Variants in ECM2 observed in about 807,000 individuals in gnomAD.
ECM2 encodes extracellular matrix protein 2, female organ and adipocyte specific.
ECM2 carries 57 observed loss-of-function variants against 67.5 expected under a neutral mutation model. The observed-to-expected ratio is 0.84, with a 90% CI of 0.68 to 1.05. ECM2 has a LOEUF of 1.05. ECM2 is among the 50% of genes least tolerant of loss of function. The pLI is 0.00. For synonymous variants in ECM2, 258 were observed against 294.5 expected (o/e 0.88, Z 1.27); for missense variants, 741 against 822.8 (o/e 0.90, Z 1.22).
chr9:92,545,470 C>T, the ECM2 span, among the ~76,000 whole-genome samples: 2 of 152,200 alleles, frequency 1.3e-5, no homozygotes, highest in African/African-American at 4.8e-5. Context: ...CTCGTCGGGC[C>T]TTAGCTGCCT....
chr9:92,495,476 A>G lies in ECM2; in HGVS notation c.*839T>C. 1 of 984,592 alleles carries G rather than the reference A, an allele frequency of 1.0e-6. No homozygotes were observed. Among genetic ancestry groups the G allele is most frequent in the Non-Finnish European group, 1.2e-6 (1 of 829,154 alleles). 61.0% of individuals were successfully genotyped at this position (984,592 alleles called of 1,614,324 possible). A position where few individuals can be genotyped will look rare whatever the true frequency, so the allele number is the denominator to read the frequency against. On this transcript the variant is annotated 3_prime_UTR_variant, in exon 10 of 10. Coordinates refer to ENST00000344604, the MANE Select transcript of ECM2 (RefSeq NM_001393.4). ...TGCAAAATTTTTCAAAAATTTATAC[A>G]TTAGATTTACCTTTACAAGGTTATA...
At position 92,495,840 on chromosome 9, in the gene ECM2, T is replaced by G; in HGVS notation, c.*475A>C. The G allele has an allele frequency of 1.0e-6, 1 of 970,350 alleles. No homozygotes were observed. The highest frequency in any genetic ancestry group is 1.2e-6 in the Non-Finnish European group (1 of 816,200). The allele number at this position is 970,350 out of a possible 1,614,324, so 60.1% of individuals were successfully genotyped here. A position where few individuals can be genotyped will look rare whatever the true frequency, so the allele number is the denominator to read the frequency against. On this transcript the variant is annotated 3_prime_UTR_variant, in exon 10 of 10. Coordinates refer to ENST00000344604, the MANE Select transcript of ECM2 (RefSeq NM_001393.4). The stretch of plus-strand genomic sequence containing the variant: ...ATACCAGTAATTATAGCACAGGACC[T>G]TATAAGAAATTAACAAATTATTGTT...
At chr9:92,510,148 C>G (rs1847248961) in intron 5 of ECM2, 114 bp from the exon 6 acceptor site, 15 of 1,189,910 alleles carry the variant, frequency 1.3e-5, no homozygotes, top group Non-Finnish European at 1.6e-5. Flanking sequence ...TAGGCTTAGA[C>G]AGTAATGTCC....
chr9:92,546,397 T>G, the ECM2 span, among the ~76,000 whole-genome samples: 17 of 152,156 alleles, frequency 1.1e-4, no homozygotes, highest in African/African-American at 4.1e-4. Context: ...TGCTGCTCAC[T>G]CTTTGGGTCC....
At chr9:92,540,515 G>A (rs1849293413), upstream of ECM2, among the ~76,000 whole-genome samples, 1 of 151,922 alleles carries the variant, frequency 6.6e-6, no homozygotes, top group Non-Finnish European at 1.5e-5. Flanking sequence ...GCTCATGCCT[G>A]TAATCCCAGC....
At position 92,505,790 on chromosome 9, in the gene ECM2, AG is replaced by A. The variant is rs1846969241; in HGVS notation, c.1307-101del. The A allele has an allele frequency of 6.2e-6, 6 of 971,074 alleles. No individual in the cohort carries two copies. The South Asian group carries it at 7.2e-5, about 12-fold the overall frequency. The allele number at this position is 971,074 out of a possible 1,614,324, so 60.2% of individuals were successfully genotyped here. ...CATGTGAAATGGCCGGTTTATTTGG[AG>A]GGCAAATACAGTTTTTTTTAAACCT... On this transcript the variant is annotated intron_variant, in intron 6 of 9. Coordinates refer to ENST00000344604, the MANE Select transcript of ECM2 (RefSeq NM_001393.4).
chr9:92,520,676 T>A (rs943360916), intron 2 of ECM2, among the ~76,000 whole-genome samples: 3 of 152,218 alleles, frequency 2.0e-5, no homozygotes, highest in African/African-American at 7.2e-5. Flanking sequence ...GCTGTGTTAT[T>A]CATGATAGCC....
chr9:92,505,841 C>A, intron 6 of ECM2, 151 bp from the exon 7 acceptor site: 1 of 631,244 alleles, frequency 1.6e-6, no homozygotes, highest in Non-Finnish European at 2.7e-6. Flanking sequence ...AAAACCTTTT[C>A]TTAAGTACTT....
intron 5 of ECM2, 78 bp from the exon 6 acceptor site, chr9:92,510,112 A>G (rs1847246657): frequency 5.4e-6 from 8 of 1,484,310 alleles, no homozygotes; most frequent in South Asian, 1.4e-5. Context: ...GGTCGTGACT[A>G]AAAGTCTCAC....
At chr9:92,500,556 C>T (rs931874806) in intron 9 of ECM2, among the ~76,000 whole-genome samples, 171 bp downstream of exon 9, 1 of 152,230 alleles carries the variant, frequency 6.6e-6, no homozygotes, top group African/African-American at 2.4e-5. Context: ...TCCTCACATA[C>T]CTGTCATCCA....
intron 6 of ECM2, among the ~76,000 whole-genome samples, chr9:92,506,518 C>G (rs1262480603): frequency 6.6e-6 from 1 of 152,172 alleles, no homozygotes; most frequent in Non-Finnish European, 1.5e-5. Flanking sequence ...AGGGTGTGGC[C>G]AAAATTCCCA....
rs778863745 is a variant in ECM2 at position 92,505,694 on chromosome 9, T to TA, written c.1307-5dup. On this transcript the variant is annotated splice_region_variant and splice_polypyrimidine_tract_variant and intron_variant, in intron 6 of 9. Transcript: ENST00000344604. Reference sequence around the variant, plus strand: ...AAGGTGACCAACTGATTTAAGTCTATAAAAAATAAAAGTATTAGAATATTA... The same window carrying TA: ...AAGGTGACCAACTGATTTAAGTCTATAAAAAAATAAAAGTATTAGAATATTA... 2.4e-5 allele frequency: 37 copies of TA among 1,559,082 alleles called. 1 individual carries two copies. Among genetic ancestry groups the TA allele is most frequent in the Admixed American group, 8.9e-5 (4 of 44,892 alleles).
At chr9:92,545,101 C>T in the ECM2 span, among the ~76,000 whole-genome samples, 10 of 152,204 alleles carry the variant, frequency 6.6e-5, no homozygotes, top group South Asian at 2.1e-4. Flanking sequence ...TCGCAGCCCT[C>T]GCTCGCTCTT....
intron 5 of ECM2, 91 bp from the exon 6 acceptor site, chr9:92,510,125 A>G: frequency 1.4e-6 from 2 of 1,423,524 alleles, no homozygotes; most frequent in Non-Finnish European, 1.9e-6. Flanking sequence ...AGTCTCACAA[A>G]CCTATCCTTC....
chr9:92,539,466 C>T (rs1361990115), upstream of ECM2, among the ~76,000 whole-genome samples: 2 of 151,324 alleles, frequency 1.3e-5, no homozygotes, highest in African/African-American at 4.9e-5. Flanking sequence ...AGTAAGGGCT[C>T]AGCTTAATTA....
At chr9:92,531,824 G>A (rs938999420) in intron 1 of ECM2, among the ~76,000 whole-genome samples, 35 of 151,992 alleles carry the variant, frequency 2.3e-4, no homozygotes, top group African/African-American at 8.2e-4. Flanking sequence ...CAGATGTGTT[G>A]ATCAGTTATT....
At chr9:92,535,775 G>A (rs1166611767) in intron 1 of ECM2, among the ~76,000 whole-genome samples, 158 bp downstream of exon 1, 2 of 151,620 alleles carry the variant, frequency 1.3e-5, no homozygotes, top group Non-Finnish European at 2.9e-5. Flanking sequence ...GAAGTACATC[G>A]TGAAAAAAAC....
chr9:92,547,928 G>A, the ECM2 span, among the ~76,000 whole-genome samples: 10 of 152,100 alleles, frequency 6.6e-5, no homozygotes, highest in Admixed American at 6.6e-4. Flanking sequence ...GCAAGAAAAA[G>A]AAGAGAAACA....
upstream of ECM2, among the ~76,000 whole-genome samples, chr9:92,536,328 T>G (rs944769187): frequency 3.9e-5 from 6 of 152,106 alleles, no homozygotes; most frequent in Non-Finnish European, 7.4e-5. Context: ...AATGTTAAAG[T>G]TTATACTAGC....
Sources: gnomAD v4.1 joint callset for allele counts (sites outside exome capture counted in the v4.1 genomes callset) on GRCh38, gnomAD v4.1.1 for gene constraint, MANE v1.5 for transcripts, NCBI Gene and HGNC (gene_info 2026-07-23, HGNC 2026-07-21) for gene names.